Variants in KLHL12 observed in about 807,000 individuals in gnomAD.
The protein encoded by KLHL12 is kelch-like protein 12.
Under a neutral mutation model 60.8 loss-of-function variants are expected in KLHL12, and 17 were observed. The ratio of observed to expected loss-of-function variants is 0.28; its 90% CI spans 0.19 to 0.42. The LOEUF (loss-of-function observed/expected upper bound fraction) is 0.42. KLHL12 is among the 10% of genes least tolerant of loss of function. The probability of loss-of-function intolerance (pLI) is 1.00; values close to 1 mark genes in which losing one functional copy is unlikely to be tolerated. For synonymous variants in KLHL12, 220 were observed against 250.9 expected (o/e 0.88, Z 1.16); for missense variants, 468 against 722.3 (o/e 0.65, Z 4.04).
intron 2 of KLHL12, among the ~76,000 whole-genome samples, chr1:202,921,636 T>C (rs984768274): frequency 6.6e-6 from 1 of 152,242 alleles, no homozygotes; most frequent in African/African-American, 2.4e-5. Context: ...AAATTGTTAG[T>C]AGTATATCTT....
chr1:202,927,427 A>G (rs1317262435), upstream of KLHL12, among the ~76,000 whole-genome samples: 1 of 149,804 alleles, frequency 6.7e-6, no homozygotes, highest in East Asian at 2.0e-4. Context: ...TCACGCCTAT[A>G]ATCCCGGCAC....
rs1206339512 is a variant in KLHL12, at chr1:202,893,069, A to G, written c.1580+170T>C. On this transcript the variant is annotated intron_variant, in intron 11 of 11. Transcript: ENST00000367261. The surrounding 1 kb of genome is among the most constrained non-coding windows in gnomAD (Gnocchi z 4.1). ...ACTCAGACTCCAGCCTGGGTGACAGAGCAATACTCTGTCTCTAAAAAATAA... is the reference window on the plus strand; with the variant it reads ...ACTCAGACTCCAGCCTGGGTGACAGGGCAATACTCTGTCTCTAAAAAATAA... Among the ~76,000 whole-genome samples the G allele has an allele frequency of 3.3e-5, 5 of 151,728 alleles. No homozygotes were observed. The East Asian group carries it at 9.8e-4, about 30-fold the overall frequency.
intron 1 of KLHL12, among the ~76,000 whole-genome samples, chr1:202,926,341 TCCA>T (rs1653553144): frequency 6.6e-6 from 1 of 152,144 alleles, no homozygotes; most frequent in Non-Finnish European, 1.5e-5. Flanking sequence ...TCTCCAAAAG[TCCA>T]CAAGTCACAA....
intron 2 of KLHL12, among the ~76,000 whole-genome samples, chr1:202,922,646 A>C (rs1034638087): frequency 1.3e-5 from 2 of 151,116 alleles, no homozygotes; most frequent in African/African-American, 4.9e-5. Flanking sequence ...GCCACCACGC[A>C]CGGCTAATTT....
upstream of KLHL12, among the ~76,000 whole-genome samples, chr1:202,928,172 A>T (rs1458571504): frequency 7.4e-6 from 1 of 135,140 alleles, no homozygotes; most frequent in Non-Finnish European, 1.6e-5. Context: ...CTACTCGGGA[A>T]GCTGAGGCAG....
chr1:202,921,571 AC>A (rs1352406151), intron 2 of KLHL12, among the ~76,000 whole-genome samples: 1 of 152,238 alleles, frequency 6.6e-6, no homozygotes, highest in Non-Finnish European at 1.5e-5. Flanking sequence ...ATTATTTGTT[AC>A]TTTTTCAAAA....
chr1:202,906,920 C>T (rs1660211133), intron 6 of KLHL12, among the ~76,000 whole-genome samples: 1 of 152,116 alleles, frequency 6.6e-6, no homozygotes, highest in Admixed American at 6.5e-5. Flanking sequence ...CCTTGGCCTC[C>T]CAAAGTGCTG....
At chr1:202,905,968 C>CTTTTTTTTGTTT (rs1660171559) in intron 6 of KLHL12, among the ~76,000 whole-genome samples, 1 of 51,672 alleles carries the variant, frequency 1.9e-5, no homozygotes, top group Non-Finnish European at 3.4e-5. Flanking sequence ...CCACACCTGG[C>CTTTTTTTTGTTT]TTTTTTTTTT....
intron 6 of KLHL12, among the ~76,000 whole-genome samples, chr1:202,901,742 A>T (rs1197635801): frequency 6.6e-6 from 1 of 152,162 alleles, no homozygotes; most frequent in African/African-American, 2.4e-5. Flanking sequence ...GAGTTTAAGT[A>T]ATTAACTTCC....
intron 6 of KLHL12, among the ~76,000 whole-genome samples, chr1:202,905,668 C>T (rs1041629679): frequency 1.3e-5 from 2 of 152,200 alleles, no homozygotes; most frequent in Admixed American, 6.5e-5. Flanking sequence ...TTTCTTTGCA[C>T]AACTATTTGC....
rs1659684882 is a variant in KLHL12 at position 202,891,815 on chromosome 1, G to C, written c.*718C>G. 1 of 152,188 alleles carries C rather than the reference G, an allele frequency of 6.6e-6. No homozygotes were observed. Among genetic ancestry groups the C allele is most frequent in the South Asian group, 2.1e-4 (1 of 4,830 alleles). 9.4% of individuals were successfully genotyped at this position (152,188 alleles called of 1,614,324 possible). On this transcript the variant is annotated 3_prime_UTR_variant, in exon 12 of 12. Transcript: ENST00000367261. The stretch of plus-strand genomic sequence containing the variant: ...GCGAAAGACCTCGGGGAAATAAAAA[G>C]ATCCTTCAAATAATATACCCTTCTC...
At position 202,909,394 on chromosome 1, in the gene KLHL12, G is replaced by A. The variant is rs74136922; in HGVS notation, c.718-270C>T. ...AGCAGTATTTCCCATCTATCGCAGC[G>A]CTTACATTTAACTATTTTTACATAG... On this transcript the variant is annotated intron_variant, in intron 5 of 11. Coordinates refer to ENST00000367261, the MANE Select transcript of KLHL12 (RefSeq NM_021633.4). The surrounding 1 kb of genome is among the most constrained non-coding windows in gnomAD (Gnocchi z 4.1). Among the ~76,000 whole-genome samples the A allele has an allele frequency of 0.011, 1,666 of 151,662 alleles. 22 individuals are homozygous for A. Among genetic ancestry groups the A allele is most frequent in the African/African-American group, 0.038 (1,553 of 41,220 alleles).
chr1:202,928,520 C>T, upstream of KLHL12: 1 of 1,304,410 alleles, frequency 7.7e-7, no homozygotes. Context: ...CGAGAAAACC[C>T]ACAGAGGCCT....
chr1:202,900,437 C>T (rs888320579), intron 6 of KLHL12, among the ~76,000 whole-genome samples: 12 of 152,090 alleles, frequency 7.9e-5, no homozygotes, highest in African/African-American at 2.9e-4. Context: ...GTAGTCCCAG[C>T]TACTCCTGAG....
At chr1:202,908,945 C>T (rs531872797) in intron 6 of KLHL12, 65 bp downstream of exon 6, 2 of 1,011,718 alleles carry the variant, frequency 2.0e-6, no homozygotes, top group Admixed American at 1.7e-5. Context: ...TTATTTTCAA[C>T]TATGTTGTCA....
Position 202,925,199 on chromosome 1 carries a change from A to C in KLHL12, c.-37T>G, listed in dbSNP as rs755401202. ...GAGAAAGAACAAAATGGGTCCTTGG[A>C]TTCTGCAACTACAAGAGGGAAAAAA... is the stretch of plus-strand genomic sequence containing the variant. On this transcript the variant is annotated 5_prime_UTR_variant, in exon 2 of 12. Coordinates refer to ENST00000367261, the MANE Select transcript of KLHL12 (RefSeq NM_021633.4). 5.0e-6 allele frequency: 8 copies of C among 1,611,926 alleles called. No individual in the cohort carries two copies. Among genetic ancestry groups the C allele is most frequent in the Non-Finnish European group, 5.9e-6 (7 of 1,179,186 alleles).
chr1:202,903,582 C>CCCACTTCA (rs1557989928), intron 6 of KLHL12, among the ~76,000 whole-genome samples: 1 of 148,070 alleles, frequency 6.8e-6, no homozygotes, highest in Non-Finnish European at 1.5e-5. Context: ...CTCCTAGCCT[C>CCCACTTCA]CCACTTCAGC....
In KLHL12 at chr1:202,911,120, G is replaced by T; in HGVS notation, c.651C>A (p.Asn217Lys). 1 of 1,614,100 alleles carries T rather than the reference G, an allele frequency of 6.2e-7. No individual in the cohort carries two copies. The highest frequency in any genetic ancestry group is 8.5e-7 in the Non-Finnish European group (1 of 1,180,010). Residue 217 changes from asparagine (N) to lysine (K), a missense_variant, in exon 5 of 12, where the codon AAC becomes AAA. Around this residue, in one of 4 missense-constraint regions of KLHL12, gnomAD observed 339 missense variants for 525.0 expected, o/e 0.65. Transcript: ENST00000367261. ...GGGGCATCCGCACATACTGTAGCAG[G>T]TTAGGCAAGGATTCTTCCCGCTCTT... ...AKKEREESLPNLLQYVRMPLL... is the reference protein window; with the variant it reads ...AKKEREESLPKLLQYVRMPLL...
At chr1:202,925,338 C>T in intron 1 of KLHL12, 131 bp from the exon 2 acceptor site, 1 of 1,021,498 alleles carries the variant, frequency 9.8e-7, no homozygotes, top group Non-Finnish European at 1.4e-6. Context: ...GAGGGCACTC[C>T]TATGCCTGGC....
Sources: allele counts gnomAD v4.1 joint callset (sites outside exome capture counted in the v4.1 genomes callset), GRCh38; gene constraint gnomAD v4.1.1; regional missense constraint gnomAD v4.1.1; non-coding constraint Gnocchi (gnomAD v3.1); transcripts MANE v1.5; gene names NCBI Gene and HGNC (gene_info 2026-07-23, HGNC 2026-07-21).